Variants in EGFLAM observed in about 807,000 individuals in gnomAD.
The protein encoded by EGFLAM is EGF like, fibronectin type III and laminin G domains, also known as pikachurin.
A neutral mutation model predicts 113.1 loss-of-function variants in EGFLAM; 79 were observed. The ratio of observed to expected loss-of-function variants is 0.70; its 90% CI spans 0.58 to 0.84. The LOEUF is 0.84. EGFLAM is among the 40% of genes least tolerant of loss of function. EGFLAM has a pLI of 0.00. For missense variants in EGFLAM, 1,265 were observed against 1,291.6 expected (o/e 0.98, Z 0.32); for synonymous variants, 504 against 487.6 (o/e 1.03, Z -0.44).
chr5:38,417,194 C>A (rs944604813), intron 11 of EGFLAM, among the ~76,000 whole-genome samples: 3 of 151,690 alleles, frequency 2.0e-5, no homozygotes, highest in African/African-American at 7.3e-5. Flanking sequence ...TCTAAAAATA[C>A]AAAATTAGCT....
chr5:38,412,476 A>AT, intron 10 of EGFLAM, 28 bp from the exon 11 acceptor site: 2 of 1,614,014 alleles, frequency 1.2e-6, no homozygotes, highest in Non-Finnish European at 1.7e-6. Context: ...TCGTCAAGAA[A>AT]TCTTCTTTTC....
chr5:38,463,020 C>T lies in EGFLAM; in HGVS notation c.2875+9C>T, dbSNP rs762508732. The T allele has an allele frequency of 6.2e-7, 1 of 1,611,120 alleles. No homozygotes were observed. The highest frequency in any genetic ancestry group is 1.3e-5 in the African/African-American group (1 of 74,862). ...TGGAGCTCTGTATGTGGGTAAGTGA[C>T]CGACCCTCGACCAAAGCAAAATTAG... is the stretch of plus-strand genomic sequence containing the variant. On this transcript the variant is annotated intron_variant, in intron 21 of 21. Coordinates refer to ENST00000322350, the MANE Select transcript of EGFLAM (RefSeq NM_152403.4).
intron 20 of EGFLAM, among the ~76,000 whole-genome samples, chr5:38,459,270 G>A (rs1743195240): frequency 6.6e-6 from 1 of 151,386 alleles, no homozygotes; most frequent in Non-Finnish European, 1.5e-5. Context: ...CTCCCAAAGT[G>A]TTGGGATTAC....
rs373379185 is a variant in EGFLAM, at chr5:38,338,765, G to T, written c.275G>T (p.Arg92Leu). 1 of 1,614,156 alleles carries T rather than the reference G, an allele frequency of 6.2e-7. No individual in the cohort carries two copies. The highest frequency in any genetic ancestry group is 8.5e-7 in the Non-Finnish European group (1 of 1,180,020). Residue 92 changes from arginine (R) to leucine (L), a missense_variant, in exon 3 of 22, where the codon CGG becomes CTG. Coordinates refer to ENST00000322350, the MANE Select transcript of EGFLAM (RefSeq NM_152403.4). ...QEQLHSVPLS[R>L]DIPTTEEVIG... is the part of the protein sequence containing the mutation. ...CAGTTGCACAGCGTGCCTCTCAGCC[G>T]GGACATCCCGACCACGGTGAGTCTT...
At chr5:38,281,659 G>A (rs1278835396) in intron 1 of EGFLAM, among the ~76,000 whole-genome samples, 1 of 152,132 alleles carries the variant, frequency 6.6e-6, no homozygotes, top group Non-Finnish European at 1.5e-5. Flanking sequence ...TTTGGAAGGG[G>A]ACTGATAGGT....
chr5:38,453,955 C>A (rs906987928), intron 19 of EGFLAM, among the ~76,000 whole-genome samples: 2 of 152,210 alleles, frequency 1.3e-5, no homozygotes, highest in Non-Finnish European at 2.9e-5. Flanking sequence ...CCTGAACATA[C>A]TTCTTGTTAC....
intron 1 of EGFLAM, among the ~76,000 whole-genome samples, chr5:38,266,845 G>A (rs1757644929): frequency 6.6e-6 from 1 of 152,164 alleles, no homozygotes. Flanking sequence ...TAAAGCCAGA[G>A]AGCTCAGAAA....
intron 1 of EGFLAM, among the ~76,000 whole-genome samples, chr5:38,297,649 C>T (rs954476016): frequency 6.6e-6 from 1 of 152,126 alleles, no homozygotes; most frequent in Admixed American, 6.5e-5. Flanking sequence ...TGACCCTGAG[C>T]CTGTCCTCGG....
rs773201681 is a variant in EGFLAM, at chr5:38,451,474, T to A, written c.2687+16T>A. On this transcript the variant is annotated intron_variant, in intron 19 of 21. Coordinates refer to ENST00000322350, the MANE Select transcript of EGFLAM (RefSeq NM_152403.4). ...TCGTGTTCAGGTAACCCCCTCTCCATCTGCCTTCAGCAGCACCTTGCGATT... is the reference window on the plus strand; with the variant it reads ...TCGTGTTCAGGTAACCCCCTCTCCAACTGCCTTCAGCAGCACCTTGCGATT... The A allele has an allele frequency of 3.5e-5, 57 of 1,612,580 alleles. 1 individual carries two copies. In the Middle Eastern group the frequency reaches 6.6e-4, roughly 19 times the overall value.
At chr5:38,322,551 T>A (rs1738770909) in intron 1 of EGFLAM, among the ~76,000 whole-genome samples, 1 of 152,126 alleles carries the variant, frequency 6.6e-6, no homozygotes, top group African/African-American at 2.4e-5. Context: ...TGCAGATACT[T>A]CCCCATGAAG....
chr5:38,378,530 G>C (rs1028297092), intron 6 of EGFLAM, among the ~76,000 whole-genome samples: 1 of 152,192 alleles, frequency 6.6e-6, no homozygotes, highest in Non-Finnish European at 1.5e-5. Context: ...GCATGTTCTG[G>C]GGATGGCTAC....
intron 1 of EGFLAM, among the ~76,000 whole-genome samples, chr5:38,308,672 T>G (rs2111850921): frequency 6.6e-6 from 1 of 152,138 alleles, no homozygotes; most frequent in African/African-American, 2.4e-5. Context: ...AAGGTAGCAA[T>G]AAGGAAGATG....
chr5:38,341,704 TAA>T (rs1739342402), intron 3 of EGFLAM, among the ~76,000 whole-genome samples: 1 of 152,168 alleles, frequency 6.6e-6, no homozygotes, highest in Non-Finnish European at 1.5e-5. Flanking sequence ...ATTCTATAGA[TAA>T]AGATGTGAGT....
intron 10 of EGFLAM, among the ~76,000 whole-genome samples, 167 bp from the exon 11 acceptor site, chr5:38,412,337 C>T (rs1403064613): frequency 6.6e-6 from 1 of 152,140 alleles, no homozygotes; most frequent in East Asian, 1.9e-4. Flanking sequence ...GAAGAGGTGC[C>T]TAGTTCTTCC....
intron 12 of EGFLAM, among the ~76,000 whole-genome samples, chr5:38,419,462 A>C (rs1741759134): frequency 6.6e-6 from 1 of 152,196 alleles, no homozygotes. Context: ...GAAAGAATGC[A>C]CAGTGAACAG....
intron 1 of EGFLAM, among the ~76,000 whole-genome samples, chr5:38,314,796 A>C (rs1738547876): frequency 1.3e-5 from 2 of 152,330 alleles, no homozygotes; most frequent in East Asian, 3.9e-4. Context: ...ATGAAAGGTG[A>C]GTGGTAGTCA....
chr5:38,447,390 C>A (rs971202890), intron 17 of EGFLAM, among the ~76,000 whole-genome samples: 11 of 152,184 alleles, frequency 7.2e-5, no homozygotes, highest in African/African-American at 2.2e-4. Flanking sequence ...CTTTCTTCTT[C>A]CATAAAATGA....
At chr5:38,419,870 T>C (rs1741771042) in intron 12 of EGFLAM, among the ~76,000 whole-genome samples, 1 of 151,886 alleles carries the variant, frequency 6.6e-6, no homozygotes, top group African/African-American at 2.4e-5. Flanking sequence ...TCTACTAAAA[T>C]ACAAAAATTA....
chr5:38,298,092 G>A lies in EGFLAM; in HGVS notation c.97+39241G>A, dbSNP rs531701152. On this transcript the variant is annotated intron_variant, in intron 1 of 21. Coordinates refer to ENST00000322350, the MANE Select transcript of EGFLAM (RefSeq NM_152403.4). The stretch of plus-strand genomic sequence containing the variant: ...GTGAAGACTCCGGAAACATCTCCAA[G>A]CTTGACAACGTAGATAAGAGGGGAT... Among the ~76,000 whole-genome samples the A allele has an allele frequency of 3.9e-5, 6 of 152,132 alleles. No homozygotes were observed. In the East Asian group the frequency reaches 1.2e-3, roughly 29 times the overall value.
Sources: allele counts gnomAD v4.1 joint callset (sites outside exome capture counted in the v4.1 genomes callset), GRCh38; gene constraint gnomAD v4.1.1; transcripts MANE v1.5; gene names NCBI Gene and HGNC (gene_info 2026-07-23, HGNC 2026-07-21).